The following IMMP2L variants were observed in gnomAD, a reference collection of about 807,000 sequenced individuals.
IMMP2L encodes the protein inner mitochondrial membrane peptidase subunit 2, also known as mitochondrial inner membrane protease subunit 2.
In IMMP2L, 18 loss-of-function variants were observed where a neutral mutation model predicts 19.3. That is an observed-to-expected ratio of 0.93 (90% confidence interval 0.64 to 1.38). The LOEUF is 1.38. IMMP2L is among the 40% of genes most tolerant of loss of function. The probability of loss-of-function intolerance (pLI) is 0.00; values close to 1 mark genes in which losing one functional copy is unlikely to be tolerated. For missense variants in IMMP2L, 233 were observed against 218.2 expected (o/e 1.07, Z -0.43); for synonymous variants, 76 against 73.0 (o/e 1.04, Z -0.21).
Position 110,751,774 on chromosome 7 carries a change from T to G in IMMP2L, c.409-88053A>C, listed in dbSNP as rs566201947. ...ATGGCTTTCTGATCATGTGTAACAT[T>G]AAAATATTTTATATCCATTCATATT... On this transcript the variant is annotated intron_variant, in intron 5 of 5. Coordinates refer to ENST00000405709, the MANE Select transcript of IMMP2L (RefSeq NM_032549.4). Among the ~76,000 whole-genome samples the G allele has an allele frequency of 9.9e-5, 15 of 152,178 alleles. No homozygotes were observed. The South Asian group carries it at 1.7e-3, about 17-fold the overall frequency.
chr7:111,495,046 A>G (rs1843464086), intron 2 of IMMP2L, among the ~76,000 whole-genome samples: 2 of 152,140 alleles, frequency 1.3e-5, no homozygotes, highest in South Asian at 4.1e-4. Context: ...AAAAAATTTA[A>G]TATGCATAAT....
At chr7:111,288,268 T>C (rs900312772) in intron 3 of IMMP2L, among the ~76,000 whole-genome samples, 2 of 152,050 alleles carry the variant, frequency 1.3e-5, no homozygotes, top group South Asian at 4.1e-4. Flanking sequence ...ATTTAGGTTA[T>C]TTGTTAATAA....
At chr7:110,854,824 A>G (rs573472719) in intron 5 of IMMP2L, among the ~76,000 whole-genome samples, 1 of 152,114 alleles carries the variant, frequency 6.6e-6, no homozygotes, top group East Asian at 1.9e-4. Flanking sequence ...ACTAGACTAT[A>G]ATATTCTGGA....
chr7:111,500,642 G>T (rs1031644219), intron 2 of IMMP2L, among the ~76,000 whole-genome samples: 13 of 152,152 alleles, frequency 8.5e-5, no homozygotes, highest in Admixed American at 6.5e-4. Context: ...AGCATTTGCG[G>T]ATCACCAACA....
chr7:110,965,684 TTAAA>T, intron 3 of IMMP2L, among the ~76,000 whole-genome samples: 1 of 151,954 alleles, frequency 6.6e-6, no homozygotes, highest in East Asian at 1.9e-4. Flanking sequence ...GTCTCCTATT[TTAAA>T]AACTAGGAAA....
At chr7:111,239,619 C>G (rs922022105) in intron 3 of IMMP2L, among the ~76,000 whole-genome samples, 3 of 151,894 alleles carry the variant, frequency 2.0e-5, no homozygotes, top group Admixed American at 6.6e-5. Flanking sequence ...AAGACCAATT[C>G]TTTGTAATCT....
chr7:110,963,024 A>T, intron 4 of IMMP2L: 1 of 1,518,486 alleles, frequency 6.6e-7, no homozygotes. Flanking sequence ...CTTATCATCT[A>T]AAGCTTTCAT....
At chr7:110,990,595 T>C (rs1002381039) in intron 3 of IMMP2L, among the ~76,000 whole-genome samples, 15 of 152,214 alleles carry the variant, frequency 9.9e-5, no homozygotes, top group Admixed American at 4.6e-4. Context: ...CTGACTGGTT[T>C]TGATTTTTGC....
chr7:111,125,007 A>C (rs1286364849), intron 3 of IMMP2L: 1 of 821,444 alleles, frequency 1.2e-6, no homozygotes, highest in Non-Finnish European at 1.9e-6. Context: ...AAAAGTAAAA[A>C]AAGATTACTT....
chr7:110,868,117 TTGTGTGTGTG>T (rs71151813), intron 5 of IMMP2L, among the ~76,000 whole-genome samples: 1 of 144,376 alleles, frequency 6.9e-6, no homozygotes, highest in Admixed American at 6.9e-5. Context: ...CTTGTGAGGT[TTGTGTGTGTG>T]TGTGTGTGTG....
chr7:111,080,547 TAC>T (rs1416322369), intron 3 of IMMP2L, among the ~76,000 whole-genome samples: 1 of 151,932 alleles, frequency 6.6e-6, no homozygotes, highest in Non-Finnish European at 1.5e-5. Flanking sequence ...TGTGTATGTA[TAC>T]ACACAGAATA....
At position 110,985,550 on chromosome 7, in the gene IMMP2L, T is replaced by C. The variant is rs184711815; in HGVS notation, c.240-21985A>G. Among the ~76,000 whole-genome samples the C allele has an allele frequency of 3.9e-5, 6 of 152,282 alleles. No individual in the cohort carries two copies. The East Asian group carries it at 1.2e-3, about 29-fold the overall frequency. On this transcript the variant is annotated intron_variant, in intron 3 of 5. Transcript: ENST00000405709. ...CTTTGTTTAACATAGTTATAGTTGA[T>C]GATATTACCATGACAATATAAATAA...
chr7:111,402,889 G>A (rs1014252809), intron 3 of IMMP2L, among the ~76,000 whole-genome samples: 2 of 150,988 alleles, frequency 1.3e-5, no homozygotes, highest in Non-Finnish European at 2.9e-5. Context: ...ATATATTTAT[G>A]TCTATTTACA....
At chr7:110,915,794 G>A (rs1300650287) in intron 4 of IMMP2L, among the ~76,000 whole-genome samples, 2 of 151,016 alleles carry the variant, frequency 1.3e-5, no homozygotes, top group African/African-American at 2.5e-5. Flanking sequence ...ACATTATACT[G>A]CAAAAAAGAG....
chr7:111,484,437 T>C (rs1842453715), intron 3 of IMMP2L, among the ~76,000 whole-genome samples: 1 of 152,178 alleles, frequency 6.6e-6, no homozygotes, highest in East Asian at 1.9e-4. Context: ...CTGGTTTGTT[T>C]TCAAAGATTA....
intron 3 of IMMP2L, among the ~76,000 whole-genome samples, chr7:111,101,500 C>A (rs1385147118): frequency 6.6e-6 from 1 of 151,238 alleles, no homozygotes; most frequent in African/African-American, 2.4e-5. Flanking sequence ...AGATTCAAGT[C>A]TTTTTCTTTT....
At chr7:111,380,441 T>C (rs923096068) in intron 3 of IMMP2L, among the ~76,000 whole-genome samples, 1 of 152,010 alleles carries the variant, frequency 6.6e-6, no homozygotes, top group Non-Finnish European at 1.5e-5. Flanking sequence ...ACTATTCACC[T>C]AAATGGACAT....
chr7:111,369,921 G>A (rs1030608196), intron 3 of IMMP2L, among the ~76,000 whole-genome samples: 3 of 151,872 alleles, frequency 2.0e-5, no homozygotes, highest in African/African-American at 7.3e-5. Context: ...AGCACTCACC[G>A]CCATGAAATC....
chr7:111,207,733 A>G (rs1810877080), intron 3 of IMMP2L, among the ~76,000 whole-genome samples: 1 of 151,534 alleles, frequency 6.6e-6, no homozygotes, highest in South Asian at 2.1e-4. Flanking sequence ...ACAAGGTTTC[A>G]CCATGTTGGC....
Sources: gnomAD v4.1 joint callset for allele counts (sites outside exome capture counted in the v4.1 genomes callset) on GRCh38, gnomAD v4.1.1 for gene constraint, MANE v1.5 for transcripts, NCBI Gene and HGNC (gene_info 2026-07-23, HGNC 2026-07-21) for gene names.